Variants in CFAP44 observed in about 807,000 individuals in gnomAD.
CFAP44 encodes the protein cilia- and flagella-associated protein 44.
A neutral mutation model predicts 216.2 loss-of-function variants in CFAP44; 134 were observed. That is an observed-to-expected ratio of 0.62 (90% CI 0.54 to 0.72). CFAP44 has a LOEUF of 0.72. Among genes scored for constraint, CFAP44 ranks in the 30% least tolerant of loss-of-function variants. The probability of loss-of-function intolerance (pLI) is 0.00; values close to 1 mark genes in which losing one functional copy is unlikely to be tolerated. For synonymous variants in CFAP44, 700 were observed against 727.6 expected (o/e 0.96, Z 0.61); for missense variants, 2,035 against 2,182.1 (o/e 0.93, Z 1.34).
intron 28 of CFAP44, among the ~76,000 whole-genome samples, chr3:113,311,005 G>A (rs546403364): frequency 3.2e-4 from 48 of 152,128 alleles, no homozygotes; most frequent in African/African-American, 1.1e-3. Flanking sequence ...CCCAATATCA[G>A]GTATTTCTTT....
Position 113,379,365 on chromosome 3 carries a change from T to C in CFAP44, c.2239A>G (p.Thr747Ala). 1.9e-6 allele frequency: 3 copies of C among 1,612,362 alleles called. No individual in the cohort carries two copies. Among genetic ancestry groups the C allele is most frequent in the Non-Finnish European group, 2.5e-6 (3 of 1,178,960 alleles). ...EPLPEIFIPSTPSPILCGFYS... is the reference protein window; with the variant it reads ...EPLPEIFIPSAPSPILCGFYS... ...AATCCACAGAGGATGGGAGAGGGGG[T>C]TGACGGAATAAATATTTCAGGTAAT... is the stretch of plus-strand genomic sequence containing the variant. Residue 747 changes from threonine to alanine, a missense_variant, in exon 17 of 35, where the codon ACC becomes GCC. By Grantham distance (58) the Thr-to-Ala change is moderately conservative. Around this residue, in one of 3 missense-constraint regions of CFAP44, gnomAD observed 1,883 missense variants for 2,023.7 expected, o/e 0.93. Coordinates refer to ENST00000393845, the MANE Select transcript of CFAP44 (RefSeq NM_001164496.2).
At chr3:113,432,729 T>C (rs1006038351) in intron 2 of CFAP44, among the ~76,000 whole-genome samples, 2 of 152,244 alleles carry the variant, frequency 1.3e-5, no homozygotes, top group Non-Finnish European at 2.9e-5. Context: ...ATAACACTCA[T>C]TCCTGAGTTA....
At chr3:113,293,985 C>G (rs893819712) in intron 34 of CFAP44, 4 of 456,550 alleles carry the variant, frequency 8.8e-6, no homozygotes, top group African/African-American at 8.0e-5. Flanking sequence ...TGCTGATGCT[C>G]TTCTTCAGAG....
chr3:113,439,253 TAAGA>T (rs138021847), intron 1 of CFAP44, among the ~76,000 whole-genome samples: 6,190 of 152,242 alleles, frequency 0.041, 147 homozygotes, highest in East Asian at 0.1. Context: ...TCACCAGTGT[TAAGA>T]AAGAACCCTG....
chr3:113,332,167 T>C (rs932261109), intron 25 of CFAP44, among the ~76,000 whole-genome samples: 1 of 152,202 alleles, frequency 6.6e-6, no homozygotes, highest in Non-Finnish European at 1.5e-5. Context: ...AATTTCAGAT[T>C]GGATAAATTG....
intron 19 of CFAP44, 107 bp downstream of exon 19, chr3:113,365,932 G>A: frequency 8.1e-7 from 1 of 1,238,874 alleles, no homozygotes; most frequent in Non-Finnish European, 1.1e-6. Context: ...AGACCATAAG[G>A]TGAATGTGTC....
rs147150470 is a variant in CFAP44, at chr3:113,366,314, G to A, written c.2445-5C>T. On this transcript the variant is annotated splice_region_variant and splice_polypyrimidine_tract_variant and intron_variant, in intron 18 of 34. Transcript: ENST00000393845. ...AACATCATAACTTTGTTAATGCTAC[G>A]AAACAAAAAATGTAAATTGTTCTTC... 22 of 1,583,926 alleles carry A rather than the reference G, an allele frequency of 1.4e-5. No individual in the cohort carries two copies. Among genetic ancestry groups the A allele is most frequent in the East Asian group, 6.8e-5 (3 of 44,192 alleles).
chr3:113,354,388 C>T (rs80141900), intron 22 of CFAP44, among the ~76,000 whole-genome samples: 243 of 152,294 alleles, frequency 1.6e-3, no homozygotes, highest in African/African-American at 5.5e-3. Flanking sequence ...GGCTCCTGGT[C>T]TGGGGCAGTT....
intron 29 of CFAP44, among the ~76,000 whole-genome samples, chr3:113,306,895 T>G (rs1248671159): frequency 6.6e-6 from 1 of 152,234 alleles, no homozygotes; most frequent in Non-Finnish European, 1.5e-5. Flanking sequence ...TGAGTTGGCA[T>G]TAGGTTTGTG....
intron 15 of CFAP44, among the ~76,000 whole-genome samples, chr3:113,382,081 C>T (rs1414153977): frequency 6.6e-6 from 1 of 152,124 alleles, no homozygotes; most frequent in Non-Finnish European, 1.5e-5. Flanking sequence ...TCCTGTGGAA[C>T]ATTTGCTTTT....
chr3:113,290,977 T>C lies in CFAP44; in HGVS notation c.*580A>G, dbSNP rs1333047814. ...TGCTTTCTGCCAACCCAAAGCAAAC[T>C]GCTCTGCCATGTCTGTTTGTATTTC... On this transcript the variant is annotated 3_prime_UTR_variant, in exon 35 of 35. Coordinates refer to ENST00000393845, the MANE Select transcript of CFAP44 (RefSeq NM_001164496.2). 3.3e-5 allele frequency: 5 copies of C among 153,136 alleles called. No individual in the cohort carries two copies. Among genetic ancestry groups the C allele is most frequent in the Admixed American group, 3.2e-4 (5 of 15,484 alleles). 9.5% of individuals were successfully genotyped at this position (153,136 alleles called of 1,614,324 possible). A position where few individuals can be genotyped will look rare whatever the true frequency, so the allele number is the denominator to read the frequency against.
chr3:113,302,996 A>G (rs1194983360), intron 32 of CFAP44, among the ~76,000 whole-genome samples: 1 of 152,200 alleles, frequency 6.6e-6, no homozygotes, highest in Non-Finnish European at 1.5e-5. Flanking sequence ...ATTTAACTTC[A>G]CCAGCAATCA....
chr3:113,346,649 T>C (rs943347441), intron 22 of CFAP44, among the ~76,000 whole-genome samples: 1 of 151,860 alleles, frequency 6.6e-6, no homozygotes, highest in Non-Finnish European at 1.5e-5. Flanking sequence ...GCTCTGTGTC[T>C]AGCTAAAGGA....
chr3:113,305,820 T>C (rs1406389363), intron 30 of CFAP44, among the ~76,000 whole-genome samples: 1 of 152,214 alleles, frequency 6.6e-6, no homozygotes, highest in African/African-American at 2.4e-5. Flanking sequence ...TCAGAGTTTC[T>C]ATTTCTATTT....
At chr3:113,393,724 C>A (rs1244788383) in intron 15 of CFAP44, among the ~76,000 whole-genome samples, 1 of 152,128 alleles carries the variant, frequency 6.6e-6, no homozygotes, top group African/African-American at 2.4e-5. Context: ...CTATGTTGCC[C>A]AAGCTTGTCT....
At chr3:113,326,300 G>A in intron 28 of CFAP44, 145 bp downstream of exon 28, 1 of 675,540 alleles carries the variant, frequency 1.5e-6, no homozygotes, top group Non-Finnish European at 2.2e-6. Flanking sequence ...TAAGGTTTAT[G>A]TCTTCTCCTC....
chr3:113,378,893 A>G (rs967890761), intron 17 of CFAP44, among the ~76,000 whole-genome samples: 1 of 152,192 alleles, frequency 6.6e-6, no homozygotes, highest in Non-Finnish European at 1.5e-5. Context: ...AGAAAAGTCT[A>G]CTGGATAGTA....
intron 15 of CFAP44, among the ~76,000 whole-genome samples, chr3:113,394,385 G>A (rs1482545542): frequency 6.6e-6 from 1 of 152,182 alleles, no homozygotes; most frequent in African/African-American, 2.4e-5. Context: ...GGAAGTGAAT[G>A]AAGGATGCAC....
At position 113,327,783 on chromosome 3, in the gene CFAP44, G is replaced by C. The variant is rs1016754315; in HGVS notation, c.4153C>G (p.Arg1385Gly). 2.6e-6 allele frequency: 4 copies of C among 1,536,734 alleles called. No individual in the cohort carries two copies. The African/African-American group carries it at 5.5e-5, about 21-fold the overall frequency. ...TTTAGTTTCTGATGTCTAAGGAGAC[G>C]GAGTTCTGCATCGAAAGTGACAACC... ...ELVVTFDAELRLLRHQKLKLD... is the reference protein window; with the variant it reads ...ELVVTFDAELGLLRHQKLKLD... The change falls in exon 27 of 35, where the codon CGT (arginine) becomes GGT (glycine). Residue 1385 changes from arginine to glycine, a missense_variant. By Grantham distance (125) the Arg-to-Gly change is moderately radical. Around this residue, in one of 3 missense-constraint regions of CFAP44, gnomAD observed 1,883 missense variants for 2,023.7 expected, o/e 0.93. Coordinates refer to ENST00000393845, the MANE Select transcript of CFAP44 (RefSeq NM_001164496.2).
Sources: allele counts gnomAD v4.1 joint callset (sites outside exome capture counted in the v4.1 genomes callset), GRCh38; gene constraint gnomAD v4.1.1; regional missense constraint gnomAD v4.1.1; transcripts MANE v1.5; gene names NCBI Gene and HGNC (gene_info 2026-07-23, HGNC 2026-07-21).